The following APBB2 variants were observed in gnomAD, a reference collection of about 807,000 sequenced individuals.
The protein encoded by APBB2 is amyloid beta precursor protein binding family B member 2, also known as Fe65-like 1.
APBB2 carries 38 observed loss-of-function variants against 82.5 expected under a neutral mutation model. The observed-to-expected ratio is 0.46, with a 90% confidence interval of 0.36 to 0.60. The LOEUF is 0.60. Ranked by LOEUF, APBB2 falls within the 20% of genes least tolerant of loss-of-function variation. The pLI is 0.00. For missense variants in APBB2, 772 were observed against 972.3 expected (o/e 0.79, Z 2.74); for synonymous variants, 341 against 368.2 (o/e 0.93, Z 0.85).
intron 4 of APBB2, among the ~76,000 whole-genome samples, chr4:41,062,518 G>C (rs959841632): frequency 6.6e-6 from 1 of 152,098 alleles, no homozygotes; most frequent in Non-Finnish European, 1.5e-5. Context: ...ACGCAGAAGG[G>C]AGGAATGGAG....
chr4:41,203,991 T>G (rs1777333474), intron 1 of APBB2, among the ~76,000 whole-genome samples: 1 of 151,698 alleles, frequency 6.6e-6, no homozygotes, highest in Non-Finnish European at 1.5e-5. Context: ...TCAGTGAGCC[T>G]GCCCCACCTT....
At chr4:41,017,745 T>G (rs1445708845) in intron 5 of APBB2, among the ~76,000 whole-genome samples, 1 of 152,308 alleles carries the variant, frequency 6.6e-6, no homozygotes, top group East Asian at 1.9e-4. Context: ...CTAATTGGTC[T>G]GAGTGATTGA....
At chr4:40,919,845 T>C (rs1285037556) in intron 10 of APBB2, among the ~76,000 whole-genome samples, 1 of 152,220 alleles carries the variant, frequency 6.6e-6, no homozygotes, top group African/African-American at 2.4e-5. Context: ...GGCAATAGCG[T>C]CATCCCATTT....
intron 10 of APBB2, among the ~76,000 whole-genome samples, chr4:40,897,457 G>A (rs992342119): frequency 1.3e-5 from 2 of 152,030 alleles, no homozygotes; most frequent in Non-Finnish European, 2.9e-5. Context: ...GGCGGAGGCT[G>A]CAGTGAGCCG....
At chr4:41,039,463 A>C (rs998477140) in intron 4 of APBB2, among the ~76,000 whole-genome samples, 1 of 152,226 alleles carries the variant, frequency 6.6e-6, no homozygotes, top group Non-Finnish European at 1.5e-5. Context: ...TTGGACTGTA[A>C]ATTGTGGTAA....
intron 2 of APBB2, among the ~76,000 whole-genome samples, chr4:41,115,492 G>A (rs780890089): frequency 3.3e-5 from 5 of 152,120 alleles, no homozygotes; most frequent in Non-Finnish European, 5.9e-5. Context: ...TAAAACTAAA[G>A]AGCTTCTGCA....
intron 1 of APBB2, among the ~76,000 whole-genome samples, chr4:41,167,191 C>T (rs62409998): frequency 0.011 from 1,738 of 152,286 alleles, 13 homozygotes; most frequent in Non-Finnish European, 0.017. Context: ...AGTTTCCAAG[C>T]CCTCCTGGAG....
intron 10 of APBB2, among the ~76,000 whole-genome samples, chr4:40,924,995 G>A (rs916913827): frequency 2.6e-5 from 4 of 152,162 alleles, no homozygotes; most frequent in East Asian, 3.9e-4. Context: ...GTATGGTGGC[G>A]GGGGGAGAGG....
chr4:40,982,373 AGG>A (rs1799109704), intron 6 of APBB2, among the ~76,000 whole-genome samples: 1 of 16,900 alleles, frequency 5.9e-5, no homozygotes, highest in Non-Finnish European at 1.1e-4. Flanking sequence ...GAAGGAAGGA[AGG>A]AAGGAAGGAA....
intron 4 of APBB2, among the ~76,000 whole-genome samples, chr4:41,050,211 G>C (rs1725436106): frequency 6.6e-6 from 1 of 152,206 alleles, no homozygotes; most frequent in Non-Finnish European, 1.5e-5. Flanking sequence ...ATAGCACTTA[G>C]ATTCTCCCTC....
At chr4:41,095,722 G>T (rs1560738851) in intron 3 of APBB2, among the ~76,000 whole-genome samples, 1 of 152,146 alleles carries the variant, frequency 6.6e-6, no homozygotes, top group Non-Finnish European at 1.5e-5. Context: ...GTACACTTCT[G>T]CAGTGAACAA....
intron 2 of APBB2, among the ~76,000 whole-genome samples, chr4:41,142,267 T>C (rs1043491186): frequency 6.6e-6 from 1 of 152,224 alleles, no homozygotes; most frequent in Non-Finnish European, 1.5e-5. Flanking sequence ...ATAATATATG[T>C]TTTCAAAATG....
At chr4:40,945,378 C>T (rs1043104944) in intron 6 of APBB2, among the ~76,000 whole-genome samples, 1 of 152,094 alleles carries the variant, frequency 6.6e-6, no homozygotes, top group African/African-American at 2.4e-5. Flanking sequence ...AGCTCCAAAC[C>T]AGAATCAATT....
At chr4:40,827,008 G>A (rs909788938) in intron 14 of APBB2, 124 bp downstream of exon 14, 3 of 838,954 alleles carry the variant, frequency 3.6e-6, no homozygotes, top group Admixed American at 4.6e-5. Flanking sequence ...GGCTCAACTT[G>A]TGCTTACTGA....
intron 1 of APBB2, among the ~76,000 whole-genome samples, chr4:41,166,733 T>TA (rs1369034679): frequency 1.3e-5 from 2 of 151,904 alleles, no homozygotes; most frequent in Non-Finnish European, 2.9e-5. Context: ...CTGTCTCTAC[T>TA]AAAAACACAA....
intron 12 of APBB2, among the ~76,000 whole-genome samples, chr4:40,878,054 A>G (rs1767373000): frequency 6.7e-6 from 1 of 148,390 alleles, no homozygotes; most frequent in South Asian, 2.1e-4. Flanking sequence ...TGAGCATTAG[A>G]GAAGCAATCA....
intron 3 of APBB2, among the ~76,000 whole-genome samples, chr4:41,094,176 G>A (rs530746115): frequency 6.6e-6 from 1 of 152,324 alleles, no homozygotes; most frequent in South Asian, 2.1e-4. Flanking sequence ...CTCCACATGA[G>A]TTTAGAGACT....
At chr4:41,029,884 C>T (rs984470546) in intron 5 of APBB2, among the ~76,000 whole-genome samples, 46 of 152,190 alleles carry the variant, frequency 3.0e-4, no homozygotes, top group African/African-American at 1.0e-3. Flanking sequence ...TGGCTGGGCG[C>T]GGTGGTTCAT....
chr4:40,968,193 C>T (rs760606355), intron 6 of APBB2, among the ~76,000 whole-genome samples: 4 of 152,178 alleles, frequency 2.6e-5, no homozygotes, highest in African/African-American at 9.7e-5. Flanking sequence ...TAACTGACTA[C>T]GGTCCCAGAG....
Sources: allele counts gnomAD v4.1 joint callset (sites outside exome capture counted in the v4.1 genomes callset), GRCh38; gene constraint gnomAD v4.1.1; transcripts MANE v1.5; gene names NCBI Gene and HGNC (gene_info 2026-07-23, HGNC 2026-07-21).